GRID2: variants seen among roughly 807,000 people sequenced by gnomAD.
GRID2 encodes the protein glutamate receptor ionotropic, delta-2.
GRID2 carries 33 observed loss-of-function variants against 114.8 expected under a neutral mutation model. That is an observed-to-expected ratio of 0.29 (90% CI 0.22 to 0.38). GRID2 has a LOEUF of 0.38. Ranked by LOEUF, GRID2 falls within the 10% of genes least tolerant of loss-of-function variation. The pLI is 1.00. For missense variants in GRID2, 1,184 were observed against 1,257.7 expected, an observed-to-expected ratio of 0.94 and a Z score of 0.89; for synonymous variants, 505 against 449.9, an observed-to-expected ratio of 1.12 and a Z score of -1.55.
intron 6 of GRID2, among the ~76,000 whole-genome samples, chr4:93,223,954 A>C (rs2149491581): frequency 6.6e-6 from 1 of 152,304 alleles, no homozygotes; most frequent in African/African-American, 2.4e-5. Context: ...AGAAGAAAGT[A>C]TTAATGTAAA....
At chr4:92,668,938 G>C (rs563981810) in intron 2 of GRID2, among the ~76,000 whole-genome samples, 1 of 151,930 alleles carries the variant, frequency 6.6e-6, no homozygotes, top group South Asian at 2.1e-4. Flanking sequence ...TGTTACTTGG[G>C]AAAAGATTTT....
At chr4:92,512,158 A>G (rs1724284210) in intron 1 of GRID2, among the ~76,000 whole-genome samples, 1 of 151,880 alleles carries the variant, frequency 6.6e-6, no homozygotes, top group Non-Finnish European at 1.5e-5. Flanking sequence ...TTCACTTAGC[A>G]TAGTATCTTC....
intron 1 of GRID2, among the ~76,000 whole-genome samples, chr4:92,431,105 T>C (rs1249427290): frequency 2.0e-5 from 3 of 152,180 alleles, no homozygotes; most frequent in African/African-American, 4.8e-5. Flanking sequence ...TATATTTCTC[T>C]TGTCTGATTG....
rs530495151 is a variant in GRID2 at position 93,736,568 on chromosome 4, A to T, written c.2361-32642A>T. 3.2e-4 allele frequency among the ~76,000 whole-genome samples: 49 copies of T among 152,120 alleles called. No homozygotes were observed. The South Asian group carries it at 9.9e-3, about 31-fold the overall frequency. ...CCTGCTTACATTGTCAGGTTGATGT[A>T]CCTATATTCGGCTCTTTTAAGTTGT... On this transcript the variant is annotated intron_variant, in intron 14 of 15. Transcript: ENST00000282020.
chr4:93,628,194 A>T (rs1277826361), intron 14 of GRID2, among the ~76,000 whole-genome samples: 1 of 152,166 alleles, frequency 6.6e-6, no homozygotes, highest in African/African-American at 2.4e-5. Context: ...ACATTTATTG[A>T]CGAGCAAATT....
intron 3 of GRID2, among the ~76,000 whole-genome samples, chr4:93,102,968 A>G (rs1303611818): frequency 1.3e-5 from 2 of 152,010 alleles, no homozygotes; most frequent in East Asian, 2.0e-4. Flanking sequence ...CCTGAAAACC[A>G]AAACAGTAAC....
At chr4:93,217,732 C>G (rs1291274422) in intron 6 of GRID2, among the ~76,000 whole-genome samples, 1 of 151,966 alleles carries the variant, frequency 6.6e-6, no homozygotes, top group East Asian at 1.9e-4. Flanking sequence ...AGGACTCTTC[C>G]TGCAAAAACA....
intron 11 of GRID2, among the ~76,000 whole-genome samples, chr4:93,464,087 AT>A (rs1463693519): frequency 6.6e-6 from 1 of 152,186 alleles, no homozygotes; most frequent in African/African-American, 2.4e-5. Flanking sequence ...CCATATTACA[AT>A]TTTTTCAGCT....
chr4:92,318,507 C>CTTTTTT (rs34235006), intron 1 of GRID2, among the ~76,000 whole-genome samples: 5 of 64,406 alleles, frequency 7.8e-5, no homozygotes, highest in African/African-American at 1.3e-4. Context: ...TATGCCAGGA[C>CTTTTTT]TTTTTTTTTT....
chr4:93,046,618 A>G (rs1179557607), intron 2 of GRID2, among the ~76,000 whole-genome samples: 1 of 152,030 alleles, frequency 6.6e-6, no homozygotes, highest in Non-Finnish European at 1.5e-5. Flanking sequence ...TTTTCAGTCA[A>G]CAATCCACTG....
intron 2 of GRID2, among the ~76,000 whole-genome samples, chr4:93,060,444 AG>A (rs1216489708): frequency 3.3e-5 from 5 of 152,114 alleles, no homozygotes; most frequent in Admixed American, 2.6e-4. Context: ...TCAATTTTCT[AG>A]ATATTTGGAA....
At chr4:93,352,300 A>G (rs1760881979) in intron 8 of GRID2, among the ~76,000 whole-genome samples, 2 of 152,020 alleles carry the variant, frequency 1.3e-5, no homozygotes, top group Non-Finnish European at 2.9e-5. Flanking sequence ...GAAGAACTCT[A>G]AAATAGTATT....
chr4:93,733,429 T>C (rs7686079), intron 14 of GRID2, among the ~76,000 whole-genome samples: 88,335 of 151,938 alleles, frequency 0.58, 26,510 homozygotes, highest in African/African-American at 0.73. Flanking sequence ...AGAAATTTTC[T>C]CCAAGTGCCT....
chr4:92,440,658 T>A (rs112885558), intron 1 of GRID2, among the ~76,000 whole-genome samples: 1 of 151,984 alleles, frequency 6.6e-6, no homozygotes, highest in Non-Finnish European at 1.5e-5. Context: ...TAGTGGCTTG[T>A]ACTATAGCAT....
intron 15 of GRID2, among the ~76,000 whole-genome samples, chr4:93,770,601 T>G (rs1734029096): frequency 6.6e-6 from 1 of 152,230 alleles, no homozygotes; most frequent in Admixed American, 6.5e-5. Flanking sequence ...GCATACATTC[T>G]AAATATGTGA....
chr4:92,317,568 C>A (rs936148639), intron 1 of GRID2, among the ~76,000 whole-genome samples: 2 of 152,066 alleles, frequency 1.3e-5, no homozygotes, highest in Admixed American at 6.6e-5. Flanking sequence ...CCTTCAGTGG[C>A]AATACTAATG....
At chr4:92,623,986 T>C (rs1730399522) in intron 2 of GRID2, among the ~76,000 whole-genome samples, 1 of 151,850 alleles carries the variant, frequency 6.6e-6, no homozygotes, top group Non-Finnish European at 1.5e-5. Context: ...TAGAATTTAC[T>C]ATGTTAAGCA....
intron 1 of GRID2, among the ~76,000 whole-genome samples, chr4:92,356,390 G>C (rs577476276): frequency 6.6e-6 from 1 of 151,006 alleles, no homozygotes; most frequent in East Asian, 1.9e-4. Context: ...TTAAAAATTA[G>C]AGGTTTAGGA....
chr4:92,803,798 G>A (rs1740284853), intron 2 of GRID2, among the ~76,000 whole-genome samples: 1 of 152,018 alleles, frequency 6.6e-6, no homozygotes, highest in African/African-American at 2.4e-5. Context: ...TAGAGCTGCT[G>A]TAACAGAGTT....
Sources: gnomAD v4.1 joint callset for allele counts (sites outside exome capture counted in the v4.1 genomes callset) on GRCh38, gnomAD v4.1.1 for gene constraint, MANE v1.5 for transcripts, NCBI Gene and HGNC (gene_info 2026-07-23, HGNC 2026-07-21) for gene names.